CCDC149: variants seen among roughly 807,000 people sequenced by gnomAD.
CCDC149 encodes coiled-coil domain containing 149, also known as coiled-coil domain-containing protein 149.
A neutral mutation model predicts 59.9 loss-of-function variants in CCDC149; 45 were observed. That is an observed-to-expected ratio of 0.75 (90% CI 0.59 to 0.96). The LOEUF is 0.96. CCDC149 is among the 40% of genes least tolerant of loss of function. The pLI is 0.00. For synonymous variants in CCDC149, 245 were observed against 260.6 expected (o/e 0.94, Z 0.58); for missense variants, 584 against 664.7 (o/e 0.88, Z 1.33).
chr4:24,836,590 A>C, intron 6 of CCDC149, 82 bp from the exon 7 acceptor site: 17 of 861,792 alleles, frequency 2.0e-5, no homozygotes, highest in East Asian at 2.5e-5. Flanking sequence ...AAAAAACAAA[A>C]ACCACTTGCC....
At chr4:24,853,851 T>C (rs943783506) in intron 3 of CCDC149, among the ~76,000 whole-genome samples, 10 of 151,856 alleles carry the variant, frequency 6.6e-5, no homozygotes, top group Non-Finnish European at 1.0e-4. Flanking sequence ...GAAATCAGGA[T>C]CCAGAAGAAA....
chr4:24,819,669 G>A (rs1715239597), intron 12 of CCDC149, among the ~76,000 whole-genome samples, 190 bp downstream of exon 12: 1 of 152,180 alleles, frequency 6.6e-6, no homozygotes, highest in Non-Finnish European at 1.5e-5. Flanking sequence ...GAGAGCAGGG[G>A]CCTGCATGCT....
intron 1 of CCDC149, among the ~76,000 whole-genome samples, chr4:24,904,968 C>A (rs7665673): frequency 6.6e-6 from 1 of 152,082 alleles, no homozygotes; most frequent in African/African-American, 2.4e-5. Flanking sequence ...CTGGTGCCAT[C>A]TCAGCTCACT....
chr4:24,870,849 T>A (rs1015923856), intron 3 of CCDC149, among the ~76,000 whole-genome samples: 1 of 151,910 alleles, frequency 6.6e-6, no homozygotes, highest in African/African-American at 2.4e-5. Flanking sequence ...AATTTCCCCA[T>A]CCTGGCTAAC....
At chr4:24,863,246 C>A (rs1302937811) in intron 3 of CCDC149, among the ~76,000 whole-genome samples, 1 of 151,478 alleles carries the variant, frequency 6.6e-6, no homozygotes, top group Non-Finnish European at 1.5e-5. Context: ...GAGCCGAGAT[C>A]ACACCACTGC....
intron 1 of CCDC149, among the ~76,000 whole-genome samples, chr4:24,967,872 G>A (rs949013028): frequency 2.6e-5 from 4 of 151,970 alleles, no homozygotes; most frequent in African/African-American, 9.7e-5. Context: ...ACTTGGTCAG[G>A]TAAGACAAAG....
At chr4:24,874,706 A>G (rs1269343751) in intron 2 of CCDC149, among the ~76,000 whole-genome samples, 1 of 152,210 alleles carries the variant, frequency 6.6e-6, no homozygotes, top group East Asian at 1.9e-4. Context: ...TGCTGTCCAC[A>G]TATAAGTCAA....
At chr4:24,890,423 C>T (rs925756578) in intron 1 of CCDC149, among the ~76,000 whole-genome samples, 6 of 152,280 alleles carry the variant, frequency 3.9e-5, no homozygotes, top group Middle Eastern at 3.4e-3. Flanking sequence ...CTGTCCCATG[C>T]CCTTTCTGCC....
In CCDC149 at chr4:24,912,895, CT is replaced by C; in HGVS notation, c.-17del. 1 of 1,329,066 alleles carries C rather than the reference CT, an allele frequency of 7.5e-7. No homozygotes were observed. 82.3% of individuals were successfully genotyped at this position (1,329,066 alleles called of 1,614,324 possible). A position where few individuals can be genotyped will look rare whatever the true frequency, so the allele number is the denominator to read the frequency against. On this transcript the variant is annotated 5_prime_UTR_variant, in exon 1 of 13. Transcript: ENST00000635206. ...CCTCCTCCATGCGCTGGCCGGCCTC[CT>C]GGACCCCCGCCGCCTCCTCCTCCTC...
intron 1 of CCDC149, among the ~76,000 whole-genome samples, chr4:24,906,777 T>C (rs1721561829): frequency 6.6e-6 from 1 of 152,128 alleles, no homozygotes; most frequent in African/African-American, 2.4e-5. Context: ...TGAAAAGCAG[T>C]TCATCAATTT....
chr4:24,906,988 T>C (rs1577474921), intron 1 of CCDC149, among the ~76,000 whole-genome samples: 1 of 152,174 alleles, frequency 6.6e-6, no homozygotes, highest in African/African-American at 2.4e-5. Flanking sequence ...AGTCTTAGTA[T>C]TTCGTTAAGT....
intron 1 of CCDC149, among the ~76,000 whole-genome samples, chr4:24,884,769 AGAGT>A (rs1720056267): frequency 6.6e-6 from 1 of 152,236 alleles, no homozygotes; most frequent in South Asian, 2.1e-4. Flanking sequence ...ATGAGAATTA[AGAGT>A]TAGTATATGT....
intron 1 of CCDC149, among the ~76,000 whole-genome samples, chr4:24,906,906 C>T (rs780301443): frequency 6.6e-6 from 1 of 152,164 alleles, no homozygotes; most frequent in Non-Finnish European, 1.5e-5. Context: ...GGGCAAGATA[C>T]TAGACTAAAT....
intron 12 of CCDC149, among the ~76,000 whole-genome samples, chr4:24,815,776 A>G (rs1463669887): frequency 6.6e-6 from 1 of 152,182 alleles, no homozygotes; most frequent in African/African-American, 2.4e-5. Context: ...GTCCAAAGGT[A>G]TGAGTCTCTT....
chr4:24,949,261 G>T (rs570187060), intron 1 of CCDC149, among the ~76,000 whole-genome samples: 1 of 152,070 alleles, frequency 6.6e-6, no homozygotes, highest in African/African-American at 2.4e-5. Context: ...AGATGCACTC[G>T]GAGACTTCTT....
At chr4:24,851,462 A>G (rs760021361) in intron 4 of CCDC149, among the ~76,000 whole-genome samples, 2 of 152,246 alleles carry the variant, frequency 1.3e-5, no homozygotes, top group Non-Finnish European at 2.9e-5. Flanking sequence ...GTCAGTTGCA[A>G]ACGTCAATTC....
At chr4:24,846,820 G>C (rs1381794892) in intron 4 of CCDC149, among the ~76,000 whole-genome samples, 1 of 152,208 alleles carries the variant, frequency 6.6e-6, no homozygotes, top group African/African-American at 2.4e-5. Flanking sequence ...ACATTGGTAG[G>C]AGCATTTGCC....
chr4:24,869,071 T>C (rs1409706070), intron 3 of CCDC149, among the ~76,000 whole-genome samples: 3 of 152,262 alleles, frequency 2.0e-5, no homozygotes, highest in Non-Finnish European at 2.9e-5. Context: ...GCGATTGCTA[T>C]GATCTGTCCT....
chr4:24,867,535 T>C (rs554321260), intron 3 of CCDC149, among the ~76,000 whole-genome samples: 2 of 152,362 alleles, frequency 1.3e-5, no homozygotes, highest in South Asian at 2.1e-4. Context: ...TTGTTTTCTA[T>C]CTATACTTGA....
Sources: gnomAD v4.1 joint callset for allele counts (sites outside exome capture counted in the v4.1 genomes callset) on GRCh38, gnomAD v4.1.1 for gene constraint, MANE v1.5 for transcripts, NCBI Gene and HGNC (gene_info 2026-07-23, HGNC 2026-07-21) for gene names.